The following PCDHGA4 variants were observed in gnomAD, a reference collection of about 807,000 sequenced individuals.
PCDHGA4 encodes the protein protocadherin gamma subfamily A, 4.
A neutral mutation model predicts 54.6 loss-of-function variants in PCDHGA4; 38 were observed. The ratio of observed to expected loss-of-function variants is 0.70; its 90% CI spans 0.54 to 0.91. The LOEUF (loss-of-function observed/expected upper bound fraction) is 0.91, where lower values mean the gene tolerates loss of function less well. Ranked by LOEUF, PCDHGA4 falls within the 40% of genes least tolerant of loss-of-function variation. PCDHGA4 has a pLI of 0.00. For synonymous variants in PCDHGA4, 511 were observed against 512.9 expected, an observed-to-expected ratio of 1.00 and a Z score of 0.05; for missense variants, 1,298 against 1,220.9, an observed-to-expected ratio of 1.06 and a Z score of -0.94.
At chr5:141,424,547 T>A (rs1484479408) in intron 1 of PCDHGA4, 2 of 152,238 alleles carry the variant, frequency 1.3e-5, no homozygotes, top group African/African-American at 4.8e-5. Flanking sequence ...AACTTGATTT[T>A]GATTCAGTGC....
At chr5:141,418,568 G>A (rs769914679) in intron 1 of PCDHGA4, 62 of 1,613,902 alleles carry the variant, frequency 3.8e-5, no homozygotes, top group Non-Finnish European at 5.2e-5. Context: ...AGATGCCAAT[G>A]ACAACCCCCC....
intron 1 of PCDHGA4, chr5:141,416,753 G>A (rs1168212796): frequency 1.3e-5 from 2 of 152,154 alleles, no homozygotes; most frequent in Non-Finnish European, 2.9e-5. Context: ...GACGTATTAG[G>A]TAGATCTCTT....
chr5:141,424,768 A>G (rs143190880), intron 1 of PCDHGA4: 38 of 152,284 alleles, frequency 2.5e-4, no homozygotes, highest in African/African-American at 9.1e-4. Context: ...TCTTATGGCA[A>G]ATAGTACATT....
chr5:141,486,416 C>T lies in PCDHGA4; in HGVS notation c.2515-8391C>T, dbSNP rs2154580601. The T allele has an allele frequency of 6.2e-7, 1 of 1,614,152 alleles. No individual in the cohort carries two copies. The highest frequency in any genetic ancestry group is 8.5e-7 in the Non-Finnish European group (1 of 1,180,016). On this transcript the variant is annotated intron_variant, in intron 1 of 3. Coordinates refer to ENST00000571252, the MANE Select transcript of PCDHGA4 (RefSeq NM_018917.4). This position sits in a 1 kb window ranked among gnomAD's most constrained non-coding sequence, Gnocchi z 5.0. ...CCTGGTGACTGCTGGACCCTTGGAT[C>T]GAGAGGCCAAATCTAGCTATGACAT...
chr5:141,411,969 T>G (rs2095526864), intron 1 of PCDHGA4: 1 of 152,258 alleles, frequency 6.6e-6, no homozygotes, highest in Non-Finnish European at 1.5e-5. Context: ...ATAAAATCTT[T>G]GAAGAGTTCT....
At chr5:141,383,225 T>G in intron 1 of PCDHGA4, 2 of 1,613,970 alleles carry the variant, frequency 1.2e-6, no homozygotes, top group Non-Finnish European at 1.7e-6. Context: ...TTTAACATCC[T>G]GATGGAAGAT....
intron 1 of PCDHGA4, chr5:141,400,377 A>G: frequency 1.2e-6 from 2 of 1,613,892 alleles, no homozygotes; most frequent in Non-Finnish European, 1.7e-6. Flanking sequence ...CCTACAACCT[A>G]TGTGTTGCAC....
intron 2 of PCDHGA4, among the ~76,000 whole-genome samples, chr5:141,502,382 T>C (rs1668612742): frequency 1.3e-5 from 2 of 152,088 alleles, no homozygotes; most frequent in Non-Finnish European, 2.9e-5. Context: ...CCAGGCCAGT[T>C]GTACTTTAAA....
At chr5:141,427,814 G>T in intron 1 of PCDHGA4, 2 of 1,526,562 alleles carry the variant, frequency 1.3e-6, no homozygotes, top group South Asian at 2.2e-5. Context: ...CACAGAGCGG[G>T]GTGGTGGTCG....
At chr5:141,401,226 C>T (rs960294428) in intron 1 of PCDHGA4, among the ~76,000 whole-genome samples, 1 of 152,102 alleles carries the variant, frequency 6.6e-6, no homozygotes, top group African/African-American at 2.4e-5. Context: ...CCTGTAATCC[C>T]AGCTACTCAG....
Position 141,485,468 on chromosome 5 carries a change from A to G in PCDHGA4, c.2515-9339A>G. On this transcript the variant is annotated intron_variant, in intron 1 of 3. Coordinates refer to ENST00000571252, the MANE Select transcript of PCDHGA4 (RefSeq NM_018917.4). This position sits in a 1 kb window ranked among gnomAD's most constrained non-coding sequence, Gnocchi z 5.7. The stretch of plus-strand genomic sequence containing the variant: ...CGACCGAGAGGCACTGTGTGGGCTC[A>G]GTGCCAGCTGCATCGTGCCCCTGGA... 1 of 1,614,166 alleles carries G rather than the reference A, an allele frequency of 6.2e-7. No homozygotes were observed. Among genetic ancestry groups the G allele is most frequent in the Non-Finnish European group, 8.5e-7 (1 of 1,180,020 alleles).
At chr5:141,464,400 G>GAGATATATATATATCTATATATAT (rs2099082782) in intron 1 of PCDHGA4, among the ~76,000 whole-genome samples, 3 of 151,366 alleles carry the variant, frequency 2.0e-5, no homozygotes, top group African/African-American at 4.9e-5. Context: ...TGAAGAACCT[G>GAGATATATATATATCTATATATAT]AGATATATAT....
At position 141,355,282 on chromosome 5, in the gene PCDHGA4, G is replaced by T; in HGVS notation, c.175G>T (p.Ala59Ser). Residue 59 changes from alanine to serine, a missense_variant, in exon 1 of 4, where the codon GCC (alanine) becomes TCC (serine). Transcript: ENST00000571252. ...CCTGGGGGTTCTGGTGGAAATCAGG[G>T]CCGAACAGATTCTCTACTCGGTGTT... Reference protein sequence around the residue: ...LLLGVLVEIRAEQILYSVFEE... With the variant: ...LLLGVLVEIRSEQILYSVFEE... The T allele has an allele frequency of 6.2e-7, 1 of 1,613,774 alleles. No individual in the cohort carries two copies. Among genetic ancestry groups the T allele is most frequent in the East Asian group, 2.2e-5 (1 of 44,868 alleles).
At chr5:141,404,044 A>G (rs752955570) in intron 1 of PCDHGA4, 3 of 1,613,936 alleles carry the variant, frequency 1.9e-6, no homozygotes, top group South Asian at 1.1e-5. Context: ...CTCAGGGAAC[A>G]GTAATTCTTC....
intron 1 of PCDHGA4, among the ~76,000 whole-genome samples, chr5:141,430,380 TG>T (rs1376875091): frequency 6.8e-6 from 1 of 147,890 alleles, no homozygotes; most frequent in Non-Finnish European, 1.5e-5. Flanking sequence ...AAAAGCTCAT[TG>T]GGAAAAAAAA....
At chr5:141,371,865 A>C (rs1048560743) in intron 1 of PCDHGA4, 1 of 1,613,506 alleles carries the variant, frequency 6.2e-7, no homozygotes, top group Middle Eastern at 1.6e-4. Context: ...CTCCTACTAC[A>C]TCGTGGCCAG....
intron 1 of PCDHGA4, among the ~76,000 whole-genome samples, chr5:141,464,827 C>T (rs529757361): frequency 1.5e-4 from 23 of 152,246 alleles, no homozygotes; most frequent in African/African-American, 4.6e-4. Flanking sequence ...TAGCCTCGCA[C>T]TCCTGGGCTC....
At position 141,403,188 on chromosome 5, in the gene PCDHGA4, C is replaced by T. The variant is rs763950254; in HGVS notation, c.2514+45567C>T. ...AGGACGCAGCTTTTCTCTCTGAACCCGCGCAGCGGCACCTTGGTCACCGCG... is the reference window on the plus strand; with the variant it reads ...AGGACGCAGCTTTTCTCTCTGAACCTGCGCAGCGGCACCTTGGTCACCGCG... On this transcript the variant is annotated intron_variant, in intron 1 of 3. Coordinates refer to ENST00000571252, the MANE Select transcript of PCDHGA4 (RefSeq NM_018917.4). 5 of 1,613,850 alleles carry T rather than the reference C, an allele frequency of 3.1e-6. No individual in the cohort carries two copies. The African/African-American group carries it at 4.0e-5, about 13-fold the overall frequency.
intron 1 of PCDHGA4, chr5:141,418,306 GA>G: frequency 6.2e-7 from 1 of 1,614,032 alleles, no homozygotes; most frequent in East Asian, 2.2e-5. Flanking sequence ...TCAGCCTGGG[GA>G]TGGGAACAAT....
Sources: gnomAD v4.1 joint callset for allele counts (sites outside exome capture counted in the v4.1 genomes callset) on GRCh38, gnomAD v4.1.1 for gene constraint, Gnocchi (gnomAD v3.1) non-coding constraint, MANE v1.5 for transcripts, NCBI Gene and HGNC (gene_info 2026-07-23, HGNC 2026-07-21) for gene names.